The following MYO10 variants were observed in gnomAD, a reference collection of about 807,000 sequenced individuals.
MYO10 encodes the protein unconventional myosin-X.
Under a neutral mutation model 257.3 loss-of-function variants are expected in MYO10, and 133 were observed. The observed-to-expected ratio is 0.52, with a 90% CI of 0.45 to 0.60. MYO10 has a LOEUF of 0.60. MYO10 is among the 20% of genes least tolerant of loss of function. The pLI, the probability that MYO10 is intolerant of heterozygous loss-of-function variation, is 0.00. For missense variants in MYO10, 2,399 were observed against 2,635.7 expected, an observed-to-expected ratio of 0.91 and a Z score of 1.97; for synonymous variants, 1,104 against 1,028.6, an observed-to-expected ratio of 1.07 and a Z score of -1.40.
rs1293733996 is a variant in MYO10, at chr5:16,711,011, A to G, written c.2066T>C (p.Leu689Pro). Residue 689 changes from leucine to proline, a missense_variant, in exon 21 of 41, where the codon CTG becomes CCG. Physicochemically the swap from Leu to Pro is moderately conservative, Grantham distance 98. Coordinates refer to ENST00000513610, the MANE Select transcript of MYO10 (RefSeq NM_012334.3). The stretch of plus-strand genomic sequence containing the variant: ...CTCAGGCAGAGCCAGATTCCTCATC[A>G]GCACTTTATACCTGCAACGTGAAGA... ...FQDFYKRYKV[L>P]MRNLALPEDV... 1 of 1,613,998 alleles carries G rather than the reference A, an allele frequency of 6.2e-7. No individual in the cohort carries two copies.
At chr5:16,745,396 C>T (rs1740161675) in intron 19 of MYO10, among the ~76,000 whole-genome samples, 2 of 152,186 alleles carry the variant, frequency 1.3e-5, no homozygotes, top group East Asian at 1.9e-4. Flanking sequence ...AACAAAAATT[C>T]AAAAGCAGAC....
At chr5:16,784,090 GA>G (rs1352172424) in intron 4 of MYO10, among the ~76,000 whole-genome samples, 1 of 152,072 alleles carries the variant, frequency 6.6e-6, no homozygotes, top group Non-Finnish European at 1.5e-5. Flanking sequence ...AAGGACAAGT[GA>G]ACAAAAAATC....
intron 27 of MYO10, among the ~76,000 whole-genome samples, chr5:16,692,576 C>A (rs1737556733): frequency 6.6e-6 from 1 of 151,862 alleles, no homozygotes; most frequent in South Asian, 2.1e-4. Flanking sequence ...TAAATATTTA[C>A]AGAAGAAATT....
At position 16,764,388 on chromosome 5, in the gene MYO10, G is replaced by C. The variant is rs1241063000; in HGVS notation, c.1188C>G (p.Asp396Glu). 1.2e-6 allele frequency: 2 copies of C among 1,613,652 alleles called. No individual in the cohort carries two copies. Among genetic ancestry groups the C allele is most frequent in the African/African-American group, 2.7e-5 (2 of 74,890 alleles). The change falls in exon 12 of 41, where the codon GAC becomes GAG. Residue 396 changes from aspartate (D) to glutamate (E), a missense_variant. By Grantham distance (45) the Asp-to-Glu change is conservative (BLOSUM62 2). Around this residue, in one of 3 missense-constraint regions of MYO10, gnomAD observed 337 missense variants for 446.8 expected, o/e 0.75. Transcript: ENST00000513610. ...GAGCCATGGCCAGGGAGTCCCTGCTGTCTACTGCCTGTGGGAGAGAAACCA... is the reference window on the plus strand; with the variant it reads ...GAGCCATGGCCAGGGAGTCCCTGCTCTCTACTGCCTGTGGGAGAGAAACCA... ...LTPLNVQQAV[D>E]SRDSLAMALY... is the part of the protein sequence containing the mutation.
intron 2 of MYO10, among the ~76,000 whole-genome samples, 195 bp from the exon 3 acceptor site, chr5:16,818,362 A>ATGTGTGTGTGTGTGTGTGCG: frequency 1.5e-5 from 2 of 136,836 alleles, no homozygotes; most frequent in African/African-American, 5.8e-5. Flanking sequence ...GTGTGTATGT[A>ATGTGTGTGTGTGTGTGTGCG]TGTGTGTGTG....
rs138123183 is a variant in MYO10 at position 16,803,041 on chromosome 5, G to A, written c.280-8208C>T. On this transcript the variant is annotated intron_variant, in intron 3 of 40. Transcript: ENST00000513610. Reference sequence around the variant, plus strand: ...GATGGCTTGAGCCCAGGAGGTCAAGGCTTCAGTGAGCCGTGATTGCATCAC... The same window carrying A: ...GATGGCTTGAGCCCAGGAGGTCAAGACTTCAGTGAGCCGTGATTGCATCAC... 4.3e-3 allele frequency among the ~76,000 whole-genome samples: 654 copies of A among 151,982 alleles called. 5 individuals are homozygous for A. The highest frequency in any genetic ancestry group is 0.014 in the African/African-American group (579 of 41,436).
At position 16,701,268 on chromosome 5, in the gene MYO10, T is replaced by C. The variant is rs765957535; in HGVS notation, c.3127A>G (p.Thr1043Ala). 6.2e-7 allele frequency: 1 copy of C among 1,613,660 alleles called. No homozygotes were observed. The highest frequency in any genetic ancestry group is 1.1e-5 in the South Asian group (1 of 90,994). ...ACCGTGCTGTCCGCACTGGGGCTGG[T>C]GGGCACCACCGTGTCGTTCATGTAT... ...DPYMNDTVVPTSPSADSTVLL... is the reference protein window; with the variant it reads ...DPYMNDTVVPASPSADSTVLL... Residue 1043 changes from threonine (T) to alanine (A), a missense_variant, in exon 25 of 41, where the codon ACC becomes GCC. By Grantham distance (58) the Thr-to-Ala change is moderately conservative. This residue lies in a region of MYO10 where 1,820 missense variants were observed against 1,939.4 expected (regional missense o/e 0.94). Coordinates refer to ENST00000513610, the MANE Select transcript of MYO10 (RefSeq NM_012334.3). The surrounding 1 kb of genome is among the most constrained non-coding windows in gnomAD (Gnocchi z 8.1).
At chr5:16,846,399 C>T (rs1743636509) in intron 2 of MYO10, among the ~76,000 whole-genome samples, 1 of 152,192 alleles carries the variant, frequency 6.6e-6, no homozygotes, top group African/African-American at 2.4e-5. Context: ...AGCCTGTTTT[C>T]TTCCTCCTTC....
In MYO10 at chr5:16,674,897, C is replaced by T; in HGVS notation, c.4920G>A (p.Leu1640=). The change falls in exon 35 of 41, where the codon CTG becomes CTA. Residue 1640 remains leucine, a synonymous_variant. Transcript: ENST00000513610. ...GATACTTGAGAATCCCTCGACTCGG[C>T]AGGAAGGTGCAGCTCAGGCATGTCA... The part of the protein sequence containing the change: ...QILTCLSCTF[L]PSRGILKYLK... 6.2e-7 allele frequency: 1 copy of T among 1,613,978 alleles called. No homozygotes were observed. The highest frequency in any genetic ancestry group is 8.5e-7 in the Non-Finnish European group (1 of 1,179,882).
At chr5:16,673,964 G>T in intron 35 of MYO10, 75 bp from the exon 36 acceptor site, 1 of 1,373,472 alleles carries the variant, frequency 7.3e-7, no homozygotes, top group Non-Finnish European at 1.0e-6. Flanking sequence ...GCTGTGCCAA[G>T]GTTCTGTAGA....
In MYO10 at chr5:16,873,033, TC is replaced by T. The variant is rs566344620; in HGVS notation, c.120+4575del. Among the ~76,000 whole-genome samples the T allele has an allele frequency of 2.1e-4, 32 of 152,098 alleles. No homozygotes were observed. In the East Asian group the frequency reaches 3.3e-3, roughly 16 times the overall value. ...AAAACCAATCATGCCTTCCCAATGGTCCCCCAAAGTCTTAACTCATTTCAGC... is the reference window on the plus strand; with the variant it reads ...AAAACCAATCATGCCTTCCCAATGGTCCCCAAAGTCTTAACTCATTTCAGC... On this transcript the variant is annotated intron_variant, in intron 2 of 40. Coordinates refer to ENST00000513610, the MANE Select transcript of MYO10 (RefSeq NM_012334.3).
intron 2 of MYO10, among the ~76,000 whole-genome samples, chr5:16,835,492 GTTTTTTTTTTTT>G (rs1554001242): frequency 1.2e-5 from 1 of 81,062 alleles, no homozygotes; most frequent in African/African-American, 4.7e-5. Context: ...ATTTTTGGCT[GTTTTTTTTTTTT>G]TTTTTTTTTT....
chr5:16,922,915 T>C (rs1180330399), intron 1 of MYO10, among the ~76,000 whole-genome samples: 1 of 152,012 alleles, frequency 6.6e-6, no homozygotes, highest in Non-Finnish European at 1.5e-5. Flanking sequence ...CCTGTGGTCC[T>C]AGCTACTGGG....
Position 16,681,895 on chromosome 5 carries a change from C to A in MYO10, c.4165G>T (p.Glu1389Ter). ...CCTCTCACGATGAATTCCTGGCCCT[C>A]CACTCTGGTGTCCCCTTTGGACCTC... Reference protein sequence around the residue: ...LQRSKGDTRVEGQEFIVRGWL... With the variant: ...LQRSKGDTRV Residue 1389 changes from glutamate (E) to a stop codon, truncating the protein, a stop_gained, in exon 31 of 41, where the codon GAG (glutamate) becomes TAG (stop). Transcript: ENST00000513610. LOFTEE classifies it high-confidence loss of function. 1 of 1,613,980 alleles carries A rather than the reference C, an allele frequency of 6.2e-7. No individual in the cohort carries two copies. Among genetic ancestry groups the A allele is most frequent in the South Asian group, 1.1e-5 (1 of 91,078 alleles).
chr5:16,843,100 G>A (rs939411632), intron 2 of MYO10, among the ~76,000 whole-genome samples: 12 of 151,702 alleles, frequency 7.9e-5, no homozygotes, highest in African/African-American at 2.2e-4. Flanking sequence ...CTCGGCCCCC[G>A]ACCACACATG....
intron 2 of MYO10, among the ~76,000 whole-genome samples, chr5:16,837,179 A>G (rs1253390291): frequency 1.3e-5 from 2 of 152,098 alleles, no homozygotes; most frequent in East Asian, 1.9e-4. Flanking sequence ...GCGTGGTGGC[A>G]GAGGCCTGTA....
In MYO10 at chr5:16,887,825, C is replaced by T. The variant is rs143466826; in HGVS notation, c.22-10118G>A. Among the ~76,000 whole-genome samples the T allele has an allele frequency of 2.0e-4, 30 of 152,212 alleles. No homozygotes were observed. The East Asian group carries it at 5.6e-3, about 28-fold the overall frequency. ...AGTTTTATAATCTGATTTCCCCCACCTTCCTCACAATTCCTTAAAACACCT... is the reference window on the plus strand; with the variant it reads ...AGTTTTATAATCTGATTTCCCCCACTTTCCTCACAATTCCTTAAAACACCT... On this transcript the variant is annotated intron_variant, in intron 1 of 40. Coordinates refer to ENST00000513610, the MANE Select transcript of MYO10 (RefSeq NM_012334.3).
At chr5:16,668,196 C>A in intron 40 of MYO10, 81 bp downstream of exon 40, 1 of 1,409,742 alleles carries the variant, frequency 7.1e-7, no homozygotes, top group South Asian at 1.4e-5. Context: ...ATGACCTGGT[C>A]AAAGGCATGA....
intron 23 of MYO10, 91 bp downstream of exon 23, chr5:16,702,834 T>C: frequency 1.7e-6 from 2 of 1,208,690 alleles, no homozygotes; most frequent in Non-Finnish European, 2.3e-6. Flanking sequence ...TTCTGGGGCA[T>C]CTGCTGGGAT....
Sources: allele counts gnomAD v4.1 joint callset (sites outside exome capture counted in the v4.1 genomes callset), GRCh38; gene constraint gnomAD v4.1.1; regional missense constraint gnomAD v4.1.1; non-coding constraint Gnocchi (gnomAD v3.1); transcripts MANE v1.5; gene names NCBI Gene and HGNC (gene_info 2026-07-23, HGNC 2026-07-21).